Variants in CSF1 observed in about 807,000 individuals in gnomAD.
CSF1 encodes macrophage colony-stimulating factor 1.
CSF1 carries 9 observed loss-of-function variants against 48.9 expected under a neutral mutation model. The ratio of observed to expected loss-of-function variants is 0.18; its 90% CI spans 0.11 to 0.32. The LOEUF (loss-of-function observed/expected upper bound fraction) is 0.32. Ranked by LOEUF, CSF1 falls within the 10% of genes least tolerant of loss-of-function variation. The pLI, the probability that CSF1 is intolerant of heterozygous loss-of-function variation, is 1.00. For synonymous variants in CSF1, 305 were observed against 284.1 expected (o/e 1.07, Z -0.74); for missense variants, 672 against 697.9 (o/e 0.96, Z 0.42).
rs899981523 is a variant in CSF1 at position 109,918,495 on chromosome 1, C to G, written c.396+1032C>G. Reference sequence around the variant, plus strand: ...AGAAGGTGTGAGTCCAGGCTAGACACATTGGCGGCTTGGACCAAGGTGGGA... The same window carrying G: ...AGAAGGTGTGAGTCCAGGCTAGACAGATTGGCGGCTTGGACCAAGGTGGGA... On this transcript the variant is annotated intron_variant, in intron 4 of 8. Coordinates refer to ENST00000329608, the MANE Select transcript of CSF1 (RefSeq NM_000757.6). 3.3e-5 allele frequency among the ~76,000 whole-genome samples: 5 copies of G among 152,184 alleles called. 1 individual carries two copies. The South Asian group carries it at 1.0e-3, about 32-fold the overall frequency.
Position 109,923,810 on chromosome 1 carries a change from C to G in CSF1, c.1189C>G (p.Pro397Ala), listed in dbSNP as rs1427483715. 1.9e-6 allele frequency: 3 copies of G among 1,611,468 alleles called. No homozygotes were observed. The South Asian group carries it at 3.3e-5, about 18-fold the overall frequency. The change falls in exon 6 of 9, where the codon CCC becomes GCC. Residue 397 changes from proline to alanine, a missense_variant. Physicochemically the swap from Pro to Ala is conservative, Grantham distance 27 (BLOSUM62 -1). Around this residue, in one of 3 missense-constraint regions of CSF1, gnomAD observed 591 missense variants for 593.6 expected, o/e 1.00. Coordinates refer to ENST00000329608, the MANE Select transcript of CSF1 (RefSeq NM_000757.6). ...TDHPSALLRDPPEPGSPRISS... is the reference protein window; with the variant it reads ...TDHPSALLRDAPEPGSPRISS... ...CCATCCATCTGCCCTGCTCAGAGAC[C>G]CCCCGGAGCCAGGCTCTCCCAGGAT...
At position 109,924,814 on chromosome 1, in the gene CSF1, G is replaced by A. The variant is rs1647764273; in HGVS notation, c.1608G>A (p.Glu536=). The A allele has an allele frequency of 6.2e-7, 1 of 1,605,030 alleles. No homozygotes were observed. Among genetic ancestry groups the A allele is most frequent in the Non-Finnish European group, 8.5e-7 (1 of 1,175,670 alleles). The change falls in exon 7 of 9, where the codon GAG becomes GAA. Residue 536 remains glutamate (E), a synonymous_variant. Transcript: ENST00000329608. ...QEPQRADSPL[E]QPEGSPLTQD... is the part of the protein sequence containing the mutation. ...CTCAGAGAGCGGATTCTCCCTTGGAGCAACCAGAGGGCAGGTGAGAGCTTG... is the reference window on the plus strand; with the variant it reads ...CTCAGAGAGCGGATTCTCCCTTGGAACAACCAGAGGGCAGGTGAGAGCTTG...
intron 4 of CSF1, among the ~76,000 whole-genome samples, chr1:109,920,569 G>A (rs972526302): frequency 5.3e-5 from 8 of 152,046 alleles, no homozygotes; most frequent in African/African-American, 1.4e-4. Context: ...AGCCTGCCTC[G>A]GCCTCCCAAC....
rs987045233 is a variant in CSF1 at position 109,917,307 on chromosome 1, C to T, written c.240C>T (p.Cys80=). ...VDQEQLKDPV[C]YLKKAFLLVQ... ...CTGTTTTTCAGAAAGATCCAGTGTGCTACCTTAAGAAGGCATTTCTCCTGG... is the reference window on the plus strand; with the variant it reads ...CTGTTTTTCAGAAAGATCCAGTGTGTTACCTTAAGAAGGCATTTCTCCTGG... The change falls in exon 4 of 9, where the codon TGC becomes TGT. Residue 80 remains cysteine (C), a synonymous_variant. Transcript: ENST00000329608. The T allele has an allele frequency of 1.1e-5, 18 of 1,613,968 alleles. No individual in the cohort carries two copies. The highest frequency in any genetic ancestry group is 1.4e-5 in the Non-Finnish European group (17 of 1,179,984).
rs1648011640 is a variant in CSF1, at chr1:109,930,213, A to G, written c.*1375A>G. 1 of 152,458 alleles carries G rather than the reference A, an allele frequency of 6.6e-6. No homozygotes were observed. The highest frequency in any genetic ancestry group is 1.5e-5 in the Non-Finnish European group (1 of 68,158). The allele number at this position is 152,458 out of a possible 1,614,324, so 9.4% of individuals were successfully genotyped here. ...CCCTTCTTTCCTCCTGACCTTGGTC[A>G]GCAGTGATGACCTCCAACTCTCACC... On this transcript the variant is annotated 3_prime_UTR_variant, in exon 9 of 9. Coordinates refer to ENST00000329608, the MANE Select transcript of CSF1 (RefSeq NM_000757.6).
intron 1 of CSF1, among the ~76,000 whole-genome samples, chr1:109,911,624 C>T (rs1387255210): frequency 6.7e-6 from 1 of 150,292 alleles, no homozygotes; most frequent in African/African-American, 2.4e-5. Context: ...CTACGGAGGA[C>T]TTGGGTGGCT....
At chr1:109,915,743 C>T in intron 3 of CSF1, 47 bp downstream of exon 3, 1 of 1,481,976 alleles carries the variant, frequency 6.7e-7, no homozygotes, top group South Asian at 1.1e-5. Context: ...CTGCATGCAA[C>T]TCCCAGGGTG....
chr1:109,922,014 G>C lies in CSF1; in HGVS notation c.544+20G>C. 6.3e-7 allele frequency: 1 copy of C among 1,578,184 alleles called. No individual in the cohort carries two copies. ...GCCAAGGTAAGCATGGCAGGGGCCA[G>C]CAAGTGTGTGGGGGTGGTAGCATAT... On this transcript the variant is annotated intron_variant, in intron 5 of 8. Coordinates refer to ENST00000329608, the MANE Select transcript of CSF1 (RefSeq NM_000757.6).
At position 109,923,607 on chromosome 1, in the gene CSF1, G is replaced by A. The variant is rs747776466; in HGVS notation, c.986G>A (p.Gly329Glu). 3 of 1,614,150 alleles carry A rather than the reference G, an allele frequency of 1.9e-6. No individual in the cohort carries two copies. The Admixed American group carries it at 5.0e-5, about 27-fold the overall frequency. ...QGTELSPSRPGGGSMQTEPAR... is the reference protein window; with the variant it reads ...QGTELSPSRPEGGSMQTEPAR... Reference sequence around the variant, plus strand: ...ACAGAGCTTTCCCCCTCCAGGCCAGGAGGGGGCAGCATGCAGACAGAGCCC... The same window carrying A: ...ACAGAGCTTTCCCCCTCCAGGCCAGAAGGGGGCAGCATGCAGACAGAGCCC... Residue 329 changes from glycine (G) to glutamate (E), a missense_variant, in exon 6 of 9, where the codon GGA becomes GAA. This residue lies in a region of CSF1 where 591 missense variants were observed against 593.6 expected (regional missense o/e 1.00). Coordinates refer to ENST00000329608, the MANE Select transcript of CSF1 (RefSeq NM_000757.6).
chr1:109,927,903 C>T (rs373686879), intron 8 of CSF1, among the ~76,000 whole-genome samples: 4 of 152,240 alleles, frequency 2.6e-5, no homozygotes, highest in African/African-American at 9.6e-5. Context: ...CTGGGTCCTT[C>T]TCCCCTCCTG....
chr1:109,924,853 G>A, intron 7 of CSF1, 25 bp downstream of exon 7: 1 of 1,600,140 alleles, frequency 6.2e-7, no homozygotes, highest in Non-Finnish European at 8.5e-7. Context: ...TGGGGCTCTG[G>A]GAGGCACTGG....
intron 4 of CSF1, among the ~76,000 whole-genome samples, chr1:109,921,123 T>C (rs1380914049): frequency 6.6e-6 from 1 of 152,166 alleles, no homozygotes; most frequent in Non-Finnish European, 1.5e-5. Context: ...AACTCAACTC[T>C]TACCATGCCA....
intron 5 of CSF1, 97 bp from the exon 6 acceptor site, chr1:109,923,069 A>G (rs1647636814): frequency 4.0e-6 from 5 of 1,245,856 alleles, no homozygotes; most frequent in Non-Finnish European, 5.5e-6. Flanking sequence ...CCAGACTCAC[A>G]TTCCCCTCTT....
chr1:109,910,556 G>A (rs1654629249), upstream of CSF1: 1 of 318,038 alleles, frequency 3.1e-6, no homozygotes. Flanking sequence ...AGAGGGCGCG[G>A]GGAAGGCAGG....
intron 4 of CSF1, among the ~76,000 whole-genome samples, chr1:109,918,853 C>G (rs1647377944): frequency 6.6e-6 from 1 of 151,898 alleles, no homozygotes; most frequent in African/African-American, 2.4e-5. Flanking sequence ...TTCGGCTTAT[C>G]TGTGAAGCCA....
At chr1:109,919,236 T>G (rs1193517308) in intron 4 of CSF1, among the ~76,000 whole-genome samples, 3 of 152,166 alleles carry the variant, frequency 2.0e-5, no homozygotes, top group African/African-American at 7.2e-5. Flanking sequence ...CTTTTTGTTC[T>G]GTTTTTGTTG....
chr1:109,927,662 C>T (rs777445152), intron 8 of CSF1, among the ~76,000 whole-genome samples: 5 of 152,178 alleles, frequency 3.3e-5, no homozygotes, highest in Admixed American at 6.5e-5. Context: ...ACATCCAGAT[C>T]CCACTTGGCC....
At chr1:109,919,463 A>G (rs1000070203) in intron 4 of CSF1, among the ~76,000 whole-genome samples, 1 of 152,188 alleles carries the variant, frequency 6.6e-6, no homozygotes, top group Non-Finnish European at 1.5e-5. Flanking sequence ...TCCCAGGCTC[A>G]AGCAATCTGT....
In CSF1 at chr1:109,923,814, C is replaced by T. The variant is rs142859983; in HGVS notation, c.1193C>T (p.Pro398Leu). The part of the protein sequence containing the change: ...DHPSALLRDP[P>L]EPGSPRISSL... The stretch of plus-strand genomic sequence containing the variant: ...CCATCTGCCCTGCTCAGAGACCCCC[C>T]GGAGCCAGGCTCTCCCAGGATCTCA... The change falls in exon 6 of 9, where the codon CCG becomes CTG. Residue 398 changes from proline (P) to leucine (L), a missense_variant. Pro to Leu is a moderately conservative substitution (Grantham distance 98). Around this residue, in one of 3 missense-constraint regions of CSF1, gnomAD observed 591 missense variants for 593.6 expected, o/e 1.00. Coordinates refer to ENST00000329608, the MANE Select transcript of CSF1 (RefSeq NM_000757.6). The T allele has an allele frequency of 2.5e-5, 40 of 1,611,952 alleles. No homozygotes were observed. Among genetic ancestry groups the T allele is most frequent in the South Asian group, 1.3e-4 (12 of 90,748 alleles).
Sources: gnomAD v4.1 joint callset for allele counts (sites outside exome capture counted in the v4.1 genomes callset) on GRCh38, gnomAD v4.1.1 for gene constraint, gnomAD v4.1.1 regional missense constraint, MANE v1.5 for transcripts, NCBI Gene and HGNC (gene_info 2026-07-23, HGNC 2026-07-21) for gene names.